Variants in CRACD observed in about 807,000 individuals in gnomAD.
The protein encoded by CRACD is capping protein inhibiting regulator of actin dynamics.
CRACD carries 56 observed loss-of-function variants against 106.8 expected under a neutral mutation model. That is an observed-to-expected ratio of 0.52 (90% CI 0.42 to 0.66). The LOEUF is 0.66. CRACD is among the 30% of genes least tolerant of loss of function. CRACD has a pLI of 0.00. For synonymous variants in CRACD, 754 were observed against 670.8 expected (o/e 1.12, Z -1.92); for missense variants, 1,730 against 1,623.2 (o/e 1.07, Z -1.13).
At position 56,083,793 on chromosome 4, in the gene CRACD, T is replaced by A. The variant is rs964999015; in HGVS notation, c.-336+34494T>A. Among the ~76,000 whole-genome samples the A allele has an allele frequency of 2.0e-5, 3 of 151,916 alleles. No individual in the cohort carries two copies. In the East Asian group the frequency reaches 5.8e-4, roughly 29 times the overall value. The stretch of plus-strand genomic sequence containing the variant: ...GAGTTTGAGACCAGCCTGGGCAACA[T>A]TGAGAAACCCCATCTCTACAAAAAA... On this transcript the variant is annotated intron_variant, in intron 1 of 10. Coordinates refer to ENST00000682029, the MANE Select transcript of CRACD (RefSeq NM_001393381.1).
At chr4:56,173,107 T>G (rs1021336232) in intron 1 of CRACD, among the ~76,000 whole-genome samples, 5 of 152,206 alleles carry the variant, frequency 3.3e-5, no homozygotes, top group Admixed American at 3.3e-4. Context: ...GCAGGCAACT[T>G]TCTCTTAGCA....
In CRACD at chr4:56,057,836, T is replaced by A. The variant is rs1276409125; in HGVS notation, c.-336+8537T>A. Among the ~76,000 whole-genome samples the A allele has an allele frequency of 6.7e-3, 428 of 64,284 alleles. 13 individuals are homozygous for A. Among genetic ancestry groups the A allele is most frequent in the African/African-American group, 0.015 (117 of 7,762 alleles). The allele number at this position is 64,284 out of a possible 152,430, so 42.2% of individuals were successfully genotyped here. A position where few individuals can be genotyped will look rare whatever the true frequency, so the allele number is the denominator to read the frequency against. On this transcript the variant is annotated intron_variant, in intron 1 of 10. Coordinates refer to ENST00000682029, the MANE Select transcript of CRACD (RefSeq NM_001393381.1). ...TTTGTTTTTTTTTTTTTTTTTTTTT[T>A]GAGACGGAGTCTCGCTCTGTCGCCC...
In CRACD at chr4:56,314,417, G is replaced by A; in HGVS notation, c.915G>A (p.Arg305=). The change falls in exon 8 of 11, where the codon CGG becomes CGA. Residue 305 remains arginine (R), a synonymous_variant. Transcript: ENST00000682029. The surrounding 1 kb of genome is among the most constrained non-coding windows in gnomAD (Gnocchi z 4.4). ...CGCCAGGTTGGGAGGACGCGGAGCG[G>A]AGGGAGCGTGAGGAGCGCGAGCGCC... is the stretch of plus-strand genomic sequence containing the variant. ...LEAPGWEDAE[R]REREERERLE... The A allele has an allele frequency of 6.5e-7, 1 of 1,544,024 alleles. No individual in the cohort carries two copies. The highest frequency in any genetic ancestry group is 8.7e-7 in the Non-Finnish European group (1 of 1,144,066).
At chr4:56,061,533 C>T (rs1208651390) in intron 1 of CRACD, among the ~76,000 whole-genome samples, 2 of 151,894 alleles carry the variant, frequency 1.3e-5, no homozygotes. Context: ...GGCCAGTAAA[C>T]AGATGACAGT....
chr4:56,306,789 C>A (rs560778043), intron 4 of CRACD, among the ~76,000 whole-genome samples: 1 of 152,298 alleles, frequency 6.6e-6, no homozygotes, highest in Admixed American at 6.5e-5. Flanking sequence ...CCACCACTCA[C>A]CAGTAGTCAG....
At chr4:56,239,102 G>A (rs1028530118) in intron 2 of CRACD, among the ~76,000 whole-genome samples, 14 of 152,082 alleles carry the variant, frequency 9.2e-5, no homozygotes, top group Admixed American at 8.5e-4. Flanking sequence ...AGACCAGCCT[G>A]GACAACATGG....
chr4:56,170,390 T>C (rs1736316109), intron 1 of CRACD: 1 of 152,276 alleles, frequency 6.6e-6, no homozygotes, highest in Non-Finnish European at 1.5e-5. Context: ...TTCTCTGTGC[T>C]GCTCATTGAA....
chr4:56,279,981 A>G (rs564904836), intron 3 of CRACD, among the ~76,000 whole-genome samples: 19 of 151,914 alleles, frequency 1.3e-4, no homozygotes, highest in African/African-American at 4.6e-4. Flanking sequence ...TGATGAGTTC[A>G]TGTCCTTTGT....
At chr4:56,069,669 T>C (rs1219620708) in intron 1 of CRACD, among the ~76,000 whole-genome samples, 4 of 152,212 alleles carry the variant, frequency 2.6e-5, no homozygotes, top group Non-Finnish European at 5.9e-5. Context: ...GGGAACATTA[T>C]ATATCAGGGA....
At chr4:56,150,396 A>AAT (rs1220497007) in intron 1 of CRACD, among the ~76,000 whole-genome samples, 1 of 152,168 alleles carries the variant, frequency 6.6e-6, no homozygotes, top group Non-Finnish European at 1.5e-5. Flanking sequence ...ACAATTATGA[A>AAT]ATATATATAT....
intron 2 of CRACD, among the ~76,000 whole-genome samples, chr4:56,214,140 A>G (rs1738539709): frequency 1.3e-5 from 2 of 152,194 alleles, no homozygotes; most frequent in Admixed American, 1.3e-4. Flanking sequence ...GGAAAATCCA[A>G]GATCAAGGCA....
chr4:56,198,256 T>C (rs1737714475), intron 2 of CRACD, among the ~76,000 whole-genome samples: 1 of 152,138 alleles, frequency 6.6e-6, no homozygotes, highest in Non-Finnish European at 1.5e-5. Flanking sequence ...TTCTTTGAAA[T>C]ATAAGAAAAT....
At chr4:56,088,722 C>A (rs1448975270) in intron 1 of CRACD, among the ~76,000 whole-genome samples, 1 of 151,534 alleles carries the variant, frequency 6.6e-6, no homozygotes, top group Non-Finnish European at 1.5e-5. Flanking sequence ...AAATTATATA[C>A]TGTACTTTTT....
rs1733911430 is a variant in CRACD at position 56,105,251 on chromosome 4, CA to C, written c.-336+55953del. Among the ~76,000 whole-genome samples, 3 of 152,168 alleles carry C rather than the reference CA, an allele frequency of 2.0e-5. No individual in the cohort carries two copies. The East Asian group carries it at 5.8e-4, about 29-fold the overall frequency. On this transcript the variant is annotated intron_variant, in intron 1 of 10. Coordinates refer to ENST00000682029, the MANE Select transcript of CRACD (RefSeq NM_001393381.1). ...AAGTGGCTGACGCTTGTAATCCCAG[CA>C]CTGTGGGAGGCCAAGGCGGGTGGAT...
At chr4:56,124,837 C>T (rs1030535016) in intron 1 of CRACD, among the ~76,000 whole-genome samples, 3 of 152,078 alleles carry the variant, frequency 2.0e-5, no homozygotes, top group Non-Finnish European at 4.4e-5. Context: ...GATAGTAGAA[C>T]AATTGTGGGC....
At chr4:56,225,039 C>G (rs79860034) in intron 2 of CRACD, among the ~76,000 whole-genome samples, 5,087 of 152,306 alleles carry the variant, frequency 0.033, 283 homozygotes, top group African/African-American at 0.12. Context: ...CACACTTATT[C>G]TTGCAAGGAG....
At chr4:56,170,840 T>TA (rs1736333378) in intron 1 of CRACD, among the ~76,000 whole-genome samples, 2 of 152,116 alleles carry the variant, frequency 1.3e-5, no homozygotes, top group Admixed American at 6.6e-5. Context: ...CCCTATCTCT[T>TA]AAAAAACTAT....
At chr4:56,070,286 T>C (rs1302598116) in intron 1 of CRACD, among the ~76,000 whole-genome samples, 1 of 149,104 alleles carries the variant, frequency 6.7e-6, no homozygotes, top group African/African-American at 2.5e-5. Flanking sequence ...TCTCTCCCTA[T>C]CTGAGTCCTT....
chr4:56,135,373 T>C (rs1290981023), intron 1 of CRACD, among the ~76,000 whole-genome samples: 1 of 152,206 alleles, frequency 6.6e-6, no homozygotes, highest in Non-Finnish European at 1.5e-5. Flanking sequence ...AGTGCATTAT[T>C]TGATGAAGAT....
Sources: gnomAD v4.1 joint callset for allele counts (sites outside exome capture counted in the v4.1 genomes callset) on GRCh38, gnomAD v4.1.1 for gene constraint, Gnocchi (gnomAD v3.1) non-coding constraint, MANE v1.5 for transcripts, NCBI Gene and HGNC (gene_info 2026-07-23, HGNC 2026-07-21) for gene names.